NFIB: variants seen among roughly 807,000 people sequenced by gnomAD.
NFIB encodes the protein nuclear factor 1 B-type.
NFIB carries 11 observed loss-of-function variants against 61.5 expected under a neutral mutation model. The ratio of observed to expected loss-of-function variants is 0.18; its 90% CI spans 0.11 to 0.30. NFIB has a LOEUF of 0.30. NFIB is among the 10% of genes least tolerant of loss of function. The pLI is 1.00. For missense variants in NFIB, 471 were observed against 608.9 expected (o/e 0.77, Z 2.38); for synonymous variants, 260 against 216.5 (o/e 1.20, Z -1.76).
At chr9:14,356,827 T>C (rs2061181529) in intron 1 of NFIB, among the ~76,000 whole-genome samples, 1 of 149,674 alleles carries the variant, frequency 6.7e-6, no homozygotes, top group Admixed American at 6.6e-5. Context: ...AGGGAAACTT[T>C]TGCTCTTGCT....
chr9:14,390,720 G>A (rs903646708), intron 1 of NFIB, among the ~76,000 whole-genome samples: 4 of 152,166 alleles, frequency 2.6e-5, no homozygotes, highest in Non-Finnish European at 4.4e-5. Context: ...GAGCTCCCTC[G>A]GTTCTTCTTC....
At chr9:14,168,525 C>T (rs1186198668) in intron 3 of NFIB, among the ~76,000 whole-genome samples, 7 of 152,104 alleles carry the variant, frequency 4.6e-5, no homozygotes, top group Non-Finnish European at 7.4e-5. Flanking sequence ...ATGTGTGCAA[C>T]GGACAAATCA....
chr9:14,320,680 A>G (rs1487543845), intron 1 of NFIB, among the ~76,000 whole-genome samples: 4 of 152,234 alleles, frequency 2.6e-5, no homozygotes, highest in African/African-American at 9.6e-5. Context: ...TGAACTCCTC[A>G]GTCATATACA....
chr9:14,201,133 C>T (rs1019813858), intron 2 of NFIB, among the ~76,000 whole-genome samples: 4 of 152,176 alleles, frequency 2.6e-5, no homozygotes, highest in South Asian at 4.1e-4. Flanking sequence ...CTCACAATAG[C>T]CTCAGCCTCC....
At chr9:14,486,283 C>G in the NFIB span, among the ~76,000 whole-genome samples, 3 of 152,086 alleles carry the variant, frequency 2.0e-5, no homozygotes, top group Non-Finnish European at 4.4e-5. Flanking sequence ...TAGGGCAGAA[C>G]CCTCAAGAGT....
At chr9:14,163,993 G>A (rs2044487731) in intron 3 of NFIB, among the ~76,000 whole-genome samples, 1 of 149,560 alleles carries the variant, frequency 6.7e-6, no homozygotes, top group South Asian at 2.1e-4. Flanking sequence ...AAAAAGCAAT[G>A]AAAAGAAAAA....
At chr9:14,285,998 C>T (rs774514123) in intron 2 of NFIB, among the ~76,000 whole-genome samples, 82 of 151,452 alleles carry the variant, frequency 5.4e-4, no homozygotes, top group Non-Finnish European at 2.6e-4. Context: ...AACTTTTTGA[C>T]TATTTCCAGG....
the NFIB span, among the ~76,000 whole-genome samples, chr9:14,501,514 T>C: frequency 5.9e-5 from 9 of 152,378 alleles, no homozygotes; most frequent in South Asian, 2.1e-4. Context: ...ATCTGTAAAA[T>C]TGGCCCTTCC....
intron 1 of NFIB, among the ~76,000 whole-genome samples, chr9:14,395,554 A>G (rs1383786247): frequency 1.3e-5 from 2 of 151,780 alleles, no homozygotes; most frequent in Non-Finnish European, 2.9e-5. Context: ...CCCTTAATCC[A>G]CACTAAAATA....
At chr9:14,283,902 G>T (rs972312082) in intron 2 of NFIB, among the ~76,000 whole-genome samples, 41 of 152,166 alleles carry the variant, frequency 2.7e-4, no homozygotes, top group African/African-American at 8.0e-4. Flanking sequence ...TAGGTAGGTA[G>T]GACTACACTG....
intron 2 of NFIB, chr9:14,300,281 G>A (rs16931535): frequency 0.04 from 15,875 of 398,232 alleles, 2,192 homozygotes; most frequent in African/African-American, 0.29. Context: ...TCAAGTTTCC[G>A]ATCGCATAAC....
At chr9:14,102,300 TGG>T (rs1318293965) in intron 10 of NFIB, 26 of 766,024 alleles carry the variant, frequency 3.4e-5, no homozygotes, top group Non-Finnish European at 5.4e-5. Flanking sequence ...GAAAGAAGAA[TGG>T]CATAGCCAAA....
At chr9:14,267,139 G>A (rs2057269414) in intron 2 of NFIB, among the ~76,000 whole-genome samples, 1 of 152,056 alleles carries the variant, frequency 6.6e-6, no homozygotes, top group African/African-American at 2.4e-5. Context: ...TTCCTGGAAG[G>A]GATTTTTCAG....
intron 1 of NFIB, among the ~76,000 whole-genome samples, chr9:14,372,579 C>T (rs1588385540): frequency 6.6e-6 from 1 of 152,004 alleles, no homozygotes; most frequent in Non-Finnish European, 1.5e-5. Flanking sequence ...TCTCTAATTA[C>T]AGTAAGAGAC....
At chr9:14,269,533 C>T (rs1047059746) in intron 2 of NFIB, among the ~76,000 whole-genome samples, 36 of 152,130 alleles carry the variant, frequency 2.4e-4, no homozygotes, top group Admixed American at 7.2e-4. Flanking sequence ...GGCTATTGAG[C>T]GATAAAGCAT....
At chr9:14,089,504 C>T (rs184448514) in intron 10 of NFIB, among the ~76,000 whole-genome samples, 36 of 152,194 alleles carry the variant, frequency 2.4e-4, no homozygotes, top group Non-Finnish European at 4.7e-4. Flanking sequence ...TTTGGGTACA[C>T]TTAATCTAAT....
intron 2 of NFIB, among the ~76,000 whole-genome samples, chr9:14,244,257 T>C (rs963108897): frequency 6.6e-6 from 1 of 152,190 alleles, no homozygotes; most frequent in South Asian, 2.1e-4. Context: ...AAAATTCAGT[T>C]TGTACAACAT....
chr9:14,517,415 A>C, the NFIB span, among the ~76,000 whole-genome samples: 1 of 152,344 alleles, frequency 6.6e-6, no homozygotes, highest in East Asian at 1.9e-4. Flanking sequence ...TGGATGACAC[A>C]GATGGAATGC....
intron 1 of NFIB, among the ~76,000 whole-genome samples, chr9:14,387,756 T>G (rs2061565822): frequency 6.6e-6 from 1 of 152,202 alleles, no homozygotes; most frequent in South Asian, 2.1e-4. Flanking sequence ...CTTACAGAGT[T>G]AATTAAGTGT....
Sources: gnomAD v4.1 joint callset for allele counts (sites outside exome capture counted in the v4.1 genomes callset) on GRCh38, gnomAD v4.1.1 for gene constraint, MANE v1.5 for transcripts, NCBI Gene and HGNC (gene_info 2026-07-23, HGNC 2026-07-21) for gene names.